Variants in CPNE8 observed in about 807,000 individuals in gnomAD.
The protein encoded by CPNE8 is copine-8.
CPNE8 carries 45 observed loss-of-function variants against 81.5 expected under a neutral mutation model. The ratio of observed to expected loss-of-function variants is 0.55; its 90% CI spans 0.44 to 0.71. The LOEUF (loss-of-function observed/expected upper bound fraction) is 0.71, where lower values mean the gene tolerates loss of function less well. CPNE8 is among the 30% of genes least tolerant of loss of function. CPNE8 has a pLI of 0.00. For missense variants in CPNE8, 594 were observed against 672.1 expected (o/e 0.88, Z 1.28); for synonymous variants, 252 against 226.3 (o/e 1.11, Z -1.02).
At chr12:38,835,637 C>T (rs937978009) in intron 5 of CPNE8, among the ~76,000 whole-genome samples, 5 of 152,098 alleles carry the variant, frequency 3.3e-5, no homozygotes, top group African/African-American at 4.8e-5. Flanking sequence ...TCTATATATA[C>T]GTTAAATTAG....
At chr12:38,749,311 T>C (rs893773642) in intron 10 of CPNE8, among the ~76,000 whole-genome samples, 1 of 152,178 alleles carries the variant, frequency 6.6e-6, no homozygotes, top group African/African-American at 2.4e-5. Flanking sequence ...CTCTTTCTTT[T>C]GTAAATTGCC....
intron 10 of CPNE8, among the ~76,000 whole-genome samples, chr12:38,731,089 C>T (rs1684405): frequency 0.18 from 27,598 of 151,822 alleles, 3,357 homozygotes; most frequent in East Asian, 0.58. Flanking sequence ...GACTCATATT[C>T]TACCCCTTTG....
intron 13 of CPNE8, among the ~76,000 whole-genome samples, chr12:38,718,819 T>C (rs934228116): frequency 6.6e-6 from 1 of 152,170 alleles, no homozygotes; most frequent in African/African-American, 2.4e-5. Context: ...CTAAAGCATG[T>C]ACTAACAGGA....
At chr12:38,765,244 A>G (rs1190221631) in intron 8 of CPNE8, among the ~76,000 whole-genome samples, 1 of 152,206 alleles carries the variant, frequency 6.6e-6, no homozygotes, top group Non-Finnish European at 1.5e-5. Context: ...GCTTTGCCTA[A>G]CATTCAGAAA....
intron 3 of CPNE8, among the ~76,000 whole-genome samples, chr12:38,851,151 C>T (rs538700904): frequency 7.9e-5 from 12 of 152,272 alleles, no homozygotes; most frequent in South Asian, 2.1e-4. Context: ...TTTTAAATTA[C>T]GTGGTCTCAG....
intron 1 of CPNE8, among the ~76,000 whole-genome samples, chr12:38,879,696 T>G (rs1019320624): frequency 6.6e-6 from 1 of 152,138 alleles, no homozygotes; most frequent in African/African-American, 2.4e-5. Context: ...CAAATATCAT[T>G]ATCCTTCCAC....
chr12:38,768,709 A>G (rs1450424409), intron 7 of CPNE8, among the ~76,000 whole-genome samples: 1 of 146,686 alleles, frequency 6.8e-6, no homozygotes, highest in South Asian at 2.3e-4. Context: ...TTTTTTTTTT[A>G]GCAGAGACGG....
intron 2 of CPNE8, 70 bp downstream of exon 2, chr12:38,874,401 A>G (rs879210107): frequency 8.7e-7 from 1 of 1,143,986 alleles, no homozygotes; most frequent in African/African-American, 1.5e-5. Flanking sequence ...CCTTTAAACA[A>G]GAACTATGAG....
intron 19 of CPNE8, among the ~76,000 whole-genome samples, chr12:38,661,662 A>G (rs1938955826): frequency 6.6e-6 from 1 of 152,272 alleles, no homozygotes; most frequent in East Asian, 1.9e-4. Flanking sequence ...CCACAAGGCC[A>G]GAACTACCCT....
chr12:38,682,363 G>T (rs899843796), intron 16 of CPNE8, among the ~76,000 whole-genome samples: 3 of 152,128 alleles, frequency 2.0e-5, no homozygotes, highest in African/African-American at 7.2e-5. Flanking sequence ...TTTGTGACCA[G>T]ACTGGCCAAC....
intron 1 of CPNE8, among the ~76,000 whole-genome samples, chr12:38,890,072 C>T (rs1408419864): frequency 6.6e-6 from 1 of 152,188 alleles, no homozygotes; most frequent in Non-Finnish European, 1.5e-5. Context: ...TAAATCACAG[C>T]ATTTTATATA....
At chr12:38,703,853 C>T (rs1295138810) in intron 13 of CPNE8, among the ~76,000 whole-genome samples, 3 of 152,044 alleles carry the variant, frequency 2.0e-5, no homozygotes, top group Non-Finnish European at 4.4e-5. Context: ...AAGAGTGACA[C>T]ACACACACAC....
At chr12:38,833,879 A>G (rs1164484678) in intron 5 of CPNE8, among the ~76,000 whole-genome samples, 1 of 152,176 alleles carries the variant, frequency 6.6e-6, no homozygotes. Context: ...TACCTGAATC[A>G]TGTGAGGGAG....
At chr12:38,869,997 T>C (rs1036975905) in intron 3 of CPNE8, among the ~76,000 whole-genome samples, 3 of 152,200 alleles carry the variant, frequency 2.0e-5, no homozygotes, top group Admixed American at 2.0e-4. Context: ...GCCCCAAAAA[T>C]TGATTGGTAA....
At chr12:38,684,988 C>T (rs539271713) in intron 16 of CPNE8, among the ~76,000 whole-genome samples, 2 of 152,084 alleles carry the variant, frequency 1.3e-5, no homozygotes, top group Admixed American at 6.5e-5. Context: ...TACTATGTAC[C>T]ATATACAGGT....
chr12:38,817,623 T>TTC (rs1223962404), intron 6 of CPNE8, among the ~76,000 whole-genome samples: 1 of 139,390 alleles, frequency 7.2e-6, no homozygotes, highest in Non-Finnish European at 1.6e-5. Context: ...TCTTTTTTTT[T>TTC]TTTTTTTTTT....
intron 6 of CPNE8, among the ~76,000 whole-genome samples, chr12:38,822,656 G>GT (rs373465233): frequency 2.0e-5 from 3 of 152,216 alleles, no homozygotes; most frequent in South Asian, 2.1e-4. Flanking sequence ...CTAATCAATT[G>GT]TAACACCCAG....
intron 6 of CPNE8, among the ~76,000 whole-genome samples, chr12:38,809,232 G>T (rs546041566): frequency 8.3e-4 from 127 of 152,276 alleles, no homozygotes; most frequent in African/African-American, 3.0e-3. Flanking sequence ...CTGAAATCAA[G>T]GTGTCGGCCA....
intron 6 of CPNE8, among the ~76,000 whole-genome samples, chr12:38,817,644 G>C (rs1283984556): frequency 9.4e-6 from 1 of 106,456 alleles, no homozygotes; most frequent in Non-Finnish European, 1.8e-5. Context: ...TTTTGTGAGA[G>C]ACAAAGTCTC....
Sources: allele counts gnomAD v4.1 joint callset (sites outside exome capture counted in the v4.1 genomes callset), GRCh38; gene constraint gnomAD v4.1.1; transcripts MANE v1.5; gene names NCBI Gene and HGNC (gene_info 2026-07-23, HGNC 2026-07-21).